SLC6A13: variants seen among roughly 807,000 people sequenced by gnomAD.
SLC6A13 encodes sodium- and chloride-dependent GABA transporter 2.
A neutral mutation model predicts 72.9 loss-of-function variants in SLC6A13; 69 were observed. That is an observed-to-expected ratio of 0.95 (90% CI 0.78 to 1.16). The LOEUF (loss-of-function observed/expected upper bound fraction) is 1.16. Among genes scored for constraint, SLC6A13 ranks in the 50% most tolerant of loss-of-function variants. The probability of loss-of-function intolerance (pLI) is 0.00; values close to 1 mark genes in which losing one functional copy is unlikely to be tolerated. For synonymous variants in SLC6A13, 303 were observed against 303.0 expected (o/e 1.00, Z 0.00); for missense variants, 735 against 760.5 (o/e 0.97, Z 0.39).
At chr12:250,070 A>G (rs1366013551) in intron 2 of SLC6A13, among the ~76,000 whole-genome samples, 3 of 152,172 alleles carry the variant, frequency 2.0e-5, no homozygotes. Context: ...TAGGTACAGT[A>G]AAGTATTTGA....
chr12:230,920 T>A (rs1406577875), intron 7 of SLC6A13, among the ~76,000 whole-genome samples: 1 of 152,222 alleles, frequency 6.6e-6, no homozygotes, highest in Non-Finnish European at 1.5e-5. Context: ...TCATTGATAA[T>A]GAGGTGGCAT....
intron 4 of SLC6A13, 189 bp from the exon 5 acceptor site, chr12:238,199 C>CT (rs2137287668): frequency 3.9e-6 from 6 of 1,529,654 alleles, no homozygotes; most frequent in Admixed American, 2.0e-5. Context: ...CTCTCTCCCG[C>CT]ACACTTGGAC....
At chr12:255,326 T>A (rs1942702456) in intron 2 of SLC6A13, among the ~76,000 whole-genome samples, 1 of 152,184 alleles carries the variant, frequency 6.6e-6, no homozygotes, top group African/African-American at 2.4e-5. Context: ...GATTTTTGCC[T>A]TATAACCAGT....
rs911657650 is a variant in SLC6A13 at position 254,662 on chromosome 12, C to T, written c.202+5189G>A. On this transcript the variant is annotated intron_variant, in intron 2 of 14. Transcript: ENST00000343164. The surrounding 1 kb of genome is among the most constrained non-coding windows in gnomAD (Gnocchi z 4.4). ...GGTTTCCCATCTTCTCCCAGACCCA[C>T]TAAAGGTCCTTACTTTCTTTTCTTA... Among the ~76,000 whole-genome samples, 23 of 152,218 alleles carry T rather than the reference C, an allele frequency of 1.5e-4. No homozygotes were observed. The highest frequency in any genetic ancestry group is 5.3e-4 in the African/African-American group (22 of 41,458).
chr12:228,992 C>T (rs758897854), intron 7 of SLC6A13, among the ~76,000 whole-genome samples: 1 of 152,196 alleles, frequency 6.6e-6, no homozygotes, highest in Non-Finnish European at 1.5e-5. Flanking sequence ...TCTGCAGGGC[C>T]AGGGACAGAG....
In SLC6A13 at chr12:254,403, A is replaced by G. The variant is rs1393133744; in HGVS notation, c.202+5448T>C. ...CCCCCATTATCTTAAATCCATTTCA[A>G]TCAGTCATTGTCCCCAGCCCTCCAC... On this transcript the variant is annotated intron_variant, in intron 2 of 14. Transcript: ENST00000343164. The surrounding 1 kb of genome is among the most constrained non-coding windows in gnomAD (Gnocchi z 4.4). Among the ~76,000 whole-genome samples the G allele has an allele frequency of 6.6e-6, 1 of 152,170 alleles. No homozygotes were observed. The highest frequency in any genetic ancestry group is 1.5e-5 in the Non-Finnish European group (1 of 68,020).
intron 2 of SLC6A13, chr12:256,635 T>G (rs1052408673): frequency 2.6e-4 from 39 of 152,246 alleles, no homozygotes; most frequent in African/African-American, 7.7e-4. Context: ...CTACCACATG[T>G]TGACGCTGGA....
chr12:243,224 A>G (rs546721205), intron 3 of SLC6A13, among the ~76,000 whole-genome samples: 1 of 152,178 alleles, frequency 6.6e-6, no homozygotes, highest in African/African-American at 2.4e-5. Context: ...CATGTTGGCC[A>G]GGCTGGTCTC....
intron 13 of SLC6A13, among the ~76,000 whole-genome samples, chr12:222,041 C>A (rs917628844): frequency 1.3e-5 from 2 of 152,236 alleles, no homozygotes; most frequent in African/African-American, 2.4e-5. Flanking sequence ...TTCTCTGCAA[C>A]TTTCTAGCTT....
chr12:221,106 A>T, intron 14 of SLC6A13, 36 bp from the exon 15 acceptor site: 1 of 1,555,032 alleles, frequency 6.4e-7, no homozygotes. Context: ...CAGGTGGTGG[A>T]GCGGGGGCAG....
chr12:222,495 CT>C, intron 13 of SLC6A13, 36 bp downstream of exon 13: 1 of 1,374,690 alleles, frequency 7.3e-7, no homozygotes, highest in Non-Finnish European at 1.0e-6. Context: ...CCGTCTCTCC[CT>C]CCCTTCATCT....
chr12:244,356 A>G (rs1942275882), intron 2 of SLC6A13, among the ~76,000 whole-genome samples: 1 of 152,200 alleles, frequency 6.6e-6, no homozygotes, highest in South Asian at 2.1e-4. Context: ...GCCCTCATGA[A>G]TGGATTAATG....
intron 12 of SLC6A13, among the ~76,000 whole-genome samples, chr12:222,930 C>G (rs1438673163): frequency 6.6e-6 from 1 of 152,184 alleles, no homozygotes; most frequent in Non-Finnish European, 1.5e-5. Flanking sequence ...CTAGGTACAG[C>G]TATAACCAAG....
rs753112051 is a variant in SLC6A13, at chr12:237,955, A to G, written c.534T>C (p.Asn178=). Residue 178 remains asparagine (N), a synonymous_variant, in exon 5 of 15, where the codon AAT becomes AAC. Transcript: ENST00000343164. The part of the protein sequence containing the change: ...TNGSLNGTSE[N]ATSPVIEFWE... The stretch of plus-strand genomic sequence containing the variant: ...AGAACTCGATGACAGGAGAGGTGGC[A>G]TTCTCAGAGGTACCATTCAGGGAGC... 55 of 1,613,970 alleles carry G rather than the reference A, an allele frequency of 3.4e-5. No homozygotes were observed. The Middle Eastern group carries it at 8.2e-4, about 24-fold the overall frequency.
intron 2 of SLC6A13, among the ~76,000 whole-genome samples, chr12:258,174 C>T (rs1942808478): frequency 6.6e-6 from 1 of 152,212 alleles, no homozygotes; most frequent in Non-Finnish European, 1.5e-5. Flanking sequence ...TGATTTCAGG[C>T]CACTGGCCAG....
At chr12:253,711 T>G (rs1021222441) in intron 2 of SLC6A13, 2 of 152,228 alleles carry the variant, frequency 1.3e-5, no homozygotes, top group African/African-American at 4.8e-5. Flanking sequence ...GTTGGAGAGG[T>G]CTCAGCTGAA....
chr12:223,302 C>A, intron 11 of SLC6A13, 68 bp from the exon 12 acceptor site: 1 of 967,408 alleles, frequency 1.0e-6, no homozygotes, highest in Non-Finnish European at 1.6e-6. Flanking sequence ...ACTCCTATGC[C>A]CTTTAGCTTC....
At position 236,839 on chromosome 12, in the gene SLC6A13, C is replaced by A. The variant is rs368703598; in HGVS notation, c.696+319G>T. The A allele has an allele frequency of 6.7e-5, 14 of 207,606 alleles. No individual in the cohort carries two copies. In the South Asian group the frequency reaches 2.2e-3, roughly 33 times the overall value. 12.9% of individuals were successfully genotyped at this position (207,606 alleles called of 1,614,324 possible). On this transcript the variant is annotated intron_variant, in intron 6 of 14. Coordinates refer to ENST00000343164, the MANE Select transcript of SLC6A13 (RefSeq NM_016615.5). ...TGAGATGAAGAGTCTTCATGGAATT[C>A]TTTTTCCAAAGAACTGTTGTATGAA...
chr12:245,033 T>C (rs532352685), intron 2 of SLC6A13, among the ~76,000 whole-genome samples: 7 of 152,304 alleles, frequency 4.6e-5, no homozygotes, highest in South Asian at 2.1e-4. Context: ...GCACAGTTCA[T>C]AGGACACAGA....
Sources: gnomAD v4.1 joint callset for allele counts (sites outside exome capture counted in the v4.1 genomes callset) on GRCh38, gnomAD v4.1.1 for gene constraint, Gnocchi (gnomAD v3.1) non-coding constraint, MANE v1.5 for transcripts, NCBI Gene and HGNC (gene_info 2026-07-23, HGNC 2026-07-21) for gene names.